KATNIP: variants seen among roughly 807,000 people sequenced by gnomAD.
KATNIP encodes katanin-interacting protein.
In KATNIP, 126 loss-of-function variants were observed where a neutral mutation model predicts 174.0. That is an observed-to-expected ratio of 0.72 (90% CI 0.63 to 0.84). The LOEUF (loss-of-function observed/expected upper bound fraction) is 0.84, where lower values mean the gene tolerates loss of function less well. KATNIP is among the 40% of genes least tolerant of loss of function. KATNIP has a pLI of 0.00. For missense variants in KATNIP, 1,958 were observed against 2,109.7 expected, an observed-to-expected ratio of 0.93 and a Z score of 1.41; for synonymous variants, 810 against 835.7, an observed-to-expected ratio of 0.97 and a Z score of 0.53.
rs1000560323 is a variant in KATNIP, at chr16:27,777,028, G to C, written c.4550G>C (p.Gly1517Ala). 1 of 1,598,016 alleles carries C rather than the reference G, an allele frequency of 6.3e-7. No individual in the cohort carries two copies. Among genetic ancestry groups the C allele is most frequent in the East Asian group, 2.2e-5 (1 of 44,776 alleles). Residue 1517 changes from glycine to alanine, a missense_variant and splice_region_variant, in exon 25 of 28, where the codon GGC (glycine) becomes GCC (alanine). By Grantham distance (60) the Gly-to-Ala change is moderately conservative. Around this residue, in one of 3 missense-constraint regions of KATNIP, gnomAD observed 383 missense variants for 456.0 expected, o/e 0.84. Coordinates refer to ENST00000261588, the MANE Select transcript of KATNIP (RefSeq NM_015202.5). The surrounding 1 kb of genome is among the most constrained non-coding windows in gnomAD (Gnocchi z 4.4). ...KTPHRGVKEF[G>A]LLVDDLLVYN... Reference sequence around the variant, plus strand: ...CCCCATCGAGGGGTGAAGGAGTTTGGCGTAAGTACTTATTAGCTGAGTTTT... The same window carrying C: ...CCCCATCGAGGGGTGAAGGAGTTTGCCGTAAGTACTTATTAGCTGAGTTTT...
rs780800564 is a variant in KATNIP at position 27,775,101 on chromosome 16, G to A, written c.4449+17G>A. The A allele has an allele frequency of 2.7e-5, 43 of 1,607,914 alleles. No homozygotes were observed. Among genetic ancestry groups the A allele is most frequent in the Non-Finnish European group, 3.4e-5 (40 of 1,178,446 alleles). On this transcript the variant is annotated intron_variant, in intron 24 of 27. Coordinates refer to ENST00000261588, the MANE Select transcript of KATNIP (RefSeq NM_015202.5). ...CCGGGCCTGGTGGGTTCCCGGCAGCGGCCACCGCAGCTCCTGGCCCTCAGG... is the reference window on the plus strand; with the variant it reads ...CCGGGCCTGGTGGGTTCCCGGCAGCAGCCACCGCAGCTCCTGGCCCTCAGG...
intron 5 of KATNIP, among the ~76,000 whole-genome samples, chr16:27,633,363 G>A (rs1428959123): frequency 6.6e-6 from 1 of 150,414 alleles, no homozygotes; most frequent in Non-Finnish European, 1.5e-5. Flanking sequence ...TTAAATTACT[G>A]TAATTTTTTC....
intron 14 of KATNIP, among the ~76,000 whole-genome samples, chr16:27,736,091 C>A (rs900951240): frequency 2.6e-5 from 4 of 152,244 alleles, no homozygotes; most frequent in African/African-American, 9.6e-5. Context: ...CAACCTCCCC[C>A]TCCCAGGTTC....
Position 27,776,790 on chromosome 16 carries a change from G to A in KATNIP, c.4450-138G>A. 1 of 655,288 alleles carries A rather than the reference G, an allele frequency of 1.5e-6. No homozygotes were observed. The highest frequency in any genetic ancestry group is 2.8e-6 in the Non-Finnish European group (1 of 362,016). The allele number at this position is 655,288 out of a possible 1,614,324, so 40.6% of individuals were successfully genotyped here. A position where few individuals can be genotyped will look rare whatever the true frequency, so the allele number is the denominator to read the frequency against. On this transcript the variant is annotated intron_variant, in intron 24 of 27. Coordinates refer to ENST00000261588, the MANE Select transcript of KATNIP (RefSeq NM_015202.5). The surrounding 1 kb of genome is among the most constrained non-coding windows in gnomAD (Gnocchi z 4.7). ...GGGCTTCGAGGAGATGAAAGGGGGC[G>A]GAACTCCAGGCTGGCCCACGTGGCA... is the stretch of plus-strand genomic sequence containing the variant.
intron 2 of KATNIP, among the ~76,000 whole-genome samples, chr16:27,586,933 T>TA (rs1000433709): frequency 6.6e-6 from 1 of 150,852 alleles, no homozygotes; most frequent in African/African-American, 2.4e-5. Flanking sequence ...TTTTTTTTTT[T>TA]AATATAGAAA....
At chr16:27,623,365 A>C (rs959823588) in intron 3 of KATNIP, among the ~76,000 whole-genome samples, 1 of 152,228 alleles carries the variant, frequency 6.6e-6, no homozygotes. Flanking sequence ...GAAGTGAGAC[A>C]AGGCCCTTGA....
chr16:27,625,325 G>A (rs1008775637), intron 3 of KATNIP, among the ~76,000 whole-genome samples: 5 of 152,196 alleles, frequency 3.3e-5, no homozygotes, highest in South Asian at 2.1e-4. Flanking sequence ...GCTGGATGCC[G>A]TGACTGTTAA....
chr16:27,746,576 C>T lies in KATNIP; in HGVS notation c.2624-3008C>T, dbSNP rs146550298. On this transcript the variant is annotated intron_variant, in intron 15 of 27. Coordinates refer to ENST00000261588, the MANE Select transcript of KATNIP (RefSeq NM_015202.5). ...CCATCCCTTCACTGGCATTTCCACACACCAGGAGCTGTGCTGCGCACTGGG... is the reference window on the plus strand; with the variant it reads ...CCATCCCTTCACTGGCATTTCCACATACCAGGAGCTGTGCTGCGCACTGGG... Among the ~76,000 whole-genome samples, 490 of 152,374 alleles carry T rather than the reference C, an allele frequency of 3.2e-3. 2 individuals are homozygous for T. The highest frequency in any genetic ancestry group is 3.6e-3 in the Non-Finnish European group (244 of 68,046).
intron 6 of KATNIP, among the ~76,000 whole-genome samples, chr16:27,672,767 G>C (rs886940044): frequency 5.9e-5 from 9 of 152,140 alleles, no homozygotes; most frequent in East Asian, 1.9e-4. Flanking sequence ...AAATTTGGGG[G>C]TATCTCCACA....
intron 14 of KATNIP, among the ~76,000 whole-genome samples, chr16:27,732,132 C>T (rs1389703135): frequency 2.0e-5 from 3 of 152,164 alleles, no homozygotes; most frequent in African/African-American, 4.8e-5. Flanking sequence ...GTGAGCTAAA[C>T]GAGCATGGTT....
Position 27,678,014 on chromosome 16 carries a change from T to A in KATNIP, c.808+18T>A. 1 of 1,607,108 alleles carries A rather than the reference T, an allele frequency of 6.2e-7. No homozygotes were observed. Among genetic ancestry groups the A allele is most frequent in the Non-Finnish European group, 8.5e-7 (1 of 1,174,476 alleles). ...TTCCAAAAGTGAGCTCTGTCTTGTA[T>A]ATCATTTCTTTGCCATTGGTGTCTC... On this transcript the variant is annotated intron_variant, in intron 7 of 27. Transcript: ENST00000261588.
At chr16:27,744,283 T>C (rs1271647992) in intron 15 of KATNIP, among the ~76,000 whole-genome samples, 2 of 152,062 alleles carry the variant, frequency 1.3e-5, no homozygotes, top group Non-Finnish European at 2.9e-5. Context: ...CCCAGCACTT[T>C]GGGAGGCCAA....
At chr16:27,600,875 ACACACCAC>A (rs2075501303) in intron 2 of KATNIP, among the ~76,000 whole-genome samples, 2 of 151,942 alleles carry the variant, frequency 1.3e-5, no homozygotes, top group African/African-American at 4.8e-5. Context: ...GATTACAGGC[ACACACCAC>A]CACGCCCAGC....
At chr16:27,713,807 TACA>T (rs2079765812) in intron 13 of KATNIP, among the ~76,000 whole-genome samples, 2 of 47,132 alleles carry the variant, frequency 4.2e-5, no homozygotes, top group African/African-American at 2.0e-4. Context: ...TGTGTGTATA[TACA>T]TATATATATA....
At chr16:27,745,123 CAG>C (rs2081242291) in intron 15 of KATNIP, among the ~76,000 whole-genome samples, 1 of 152,140 alleles carries the variant, frequency 6.6e-6, no homozygotes, top group African/African-American at 2.4e-5. Context: ...GTATTTTCAT[CAG>C]GGGTCAGTTG....
intron 19 of KATNIP, 59 bp downstream of exon 19, chr16:27,761,649 G>C (rs1474461911): frequency 1.4e-6 from 2 of 1,431,288 alleles, no homozygotes; most frequent in Non-Finnish European, 2.0e-6. Flanking sequence ...ACATTGTTCT[G>C]CCTCTGAGAC....
intron 6 of KATNIP, 35 bp from the exon 7 acceptor site, chr16:27,677,694 A>G (rs2078173336): frequency 1.9e-6 from 3 of 1,576,036 alleles, no homozygotes; most frequent in Non-Finnish European, 2.6e-6. Context: ...AAGGTACCAT[A>G]TTTATCTCTC....
rs142581166 is a variant in KATNIP, at chr16:27,560,238, C to T, written c.7+10061C>T. ...CAGAGGTTGCAGTGAGCTGAGATCG[C>T]GCCACTGCAGTCCAGCCTGGGCTAT... On this transcript the variant is annotated intron_variant, in intron 1 of 27. Transcript: ENST00000261588. Among the ~76,000 whole-genome samples the T allele has an allele frequency of 7.3e-3, 1,059 of 146,026 alleles. 17 individuals carry two copies. Among genetic ancestry groups the T allele is most frequent in the African/African-American group, 0.025 (994 of 39,272 alleles).
At chr16:27,550,680 G>C (rs1263214577) in intron 1 of KATNIP, among the ~76,000 whole-genome samples, 2 of 152,162 alleles carry the variant, frequency 1.3e-5, no homozygotes, top group Non-Finnish European at 2.9e-5. Flanking sequence ...AACTCTGTAA[G>C]TACTCTTGGG....
Sources: allele counts gnomAD v4.1 joint callset (sites outside exome capture counted in the v4.1 genomes callset), GRCh38; gene constraint gnomAD v4.1.1; regional missense constraint gnomAD v4.1.1; non-coding constraint Gnocchi (gnomAD v3.1); transcripts MANE v1.5; gene names NCBI Gene and HGNC (gene_info 2026-07-23, HGNC 2026-07-21).